Variants in CNTN4 observed in about 807,000 individuals in gnomAD.
The protein encoded by CNTN4 is contactin 4.
A neutral mutation model predicts 122.5 loss-of-function variants in CNTN4; 77 were observed. The observed-to-expected ratio is 0.63, with a 90% CI of 0.52 to 0.76. The LOEUF (loss-of-function observed/expected upper bound fraction) is 0.76, where lower values mean the gene tolerates loss of function less well. CNTN4 is among the 30% of genes least tolerant of loss of function. The pLI, the probability that CNTN4 is intolerant of heterozygous loss-of-function variation, is 0.00. For missense variants in CNTN4, 1,256 were observed against 1,259.1 expected (o/e 1.00, Z 0.04); for synonymous variants, 512 against 447.0 (o/e 1.15, Z -1.83).
rs1326736065 is a variant in CNTN4, at chr3:2,669,111, G to A, written c.56-67104G>A. The stretch of plus-strand genomic sequence containing the variant: ...CAGGATGATGCTGGCCTCATAAAAC[G>A]AGTTAGGGAGGATTCCCTCTTTTTC... On this transcript the variant is annotated intron_variant, in intron 4 of 24. Transcript: ENST00000418658. Among the ~76,000 whole-genome samples the A allele has an allele frequency of 2.0e-5, 3 of 152,172 alleles. No homozygotes were observed. In the East Asian group the frequency reaches 5.8e-4, roughly 29 times the overall value.
At chr3:2,599,531 A>C (rs1288292233) in intron 4 of CNTN4, among the ~76,000 whole-genome samples, 2 of 152,186 alleles carry the variant, frequency 1.3e-5, no homozygotes, top group Non-Finnish European at 2.9e-5. Context: ...AACAAGTCCC[A>C]TGTGTGATTT....
chr3:2,225,841 A>T (rs2039260705), intron 2 of CNTN4, among the ~76,000 whole-genome samples: 1 of 152,104 alleles, frequency 6.6e-6, no homozygotes, highest in Non-Finnish European at 1.5e-5. Flanking sequence ...GAAGGACTTG[A>T]ATCTTATGGG....
chr3:2,432,127 A>G (rs576549498), intron 3 of CNTN4, among the ~76,000 whole-genome samples: 1 of 152,330 alleles, frequency 6.6e-6, no homozygotes, highest in Admixed American at 6.5e-5. Flanking sequence ...TTACTTACGT[A>G]GAAGTGGCCC....
intron 2 of CNTN4, among the ~76,000 whole-genome samples, chr3:2,266,608 T>G (rs1369246489): frequency 1.3e-5 from 2 of 152,058 alleles, no homozygotes; most frequent in Non-Finnish European, 2.9e-5. Flanking sequence ...ACAAGGAGCC[T>G]TAAGGGACTA....
intron 6 of CNTN4, among the ~76,000 whole-genome samples, chr3:2,811,581 G>T (rs202164285): frequency 1.3e-5 from 2 of 150,828 alleles, no homozygotes; most frequent in African/African-American, 2.4e-5. Context: ...CTGCCTCAGC[G>T]TCCCGAGTAG....
chr3:2,168,991 A>C (rs552036564), intron 2 of CNTN4, among the ~76,000 whole-genome samples: 4 of 152,204 alleles, frequency 2.6e-5, no homozygotes, highest in Non-Finnish European at 5.9e-5. Context: ...GAAGCTCAAG[A>C]GACAAATCAT....
At chr3:2,209,521 T>TAA (rs112556084) in intron 2 of CNTN4, among the ~76,000 whole-genome samples, 2,295 of 152,176 alleles carry the variant, frequency 0.015, 51 homozygotes, top group African/African-American at 0.052. Flanking sequence ...GTCTCCCTAG[T>TAA]AACAAAAAAG....
chr3:2,565,460 A>G (rs185633553), intron 3 of CNTN4, among the ~76,000 whole-genome samples: 2 of 152,276 alleles, frequency 1.3e-5, no homozygotes, highest in Non-Finnish European at 2.9e-5. Context: ...GACTGATGTG[A>G]TAGGAATTTT....
At chr3:2,177,121 C>A (rs900784343) in intron 2 of CNTN4, among the ~76,000 whole-genome samples, 1 of 151,974 alleles carries the variant, frequency 6.6e-6, no homozygotes, top group Non-Finnish European at 1.5e-5. Context: ...AATACTAGAC[C>A]GTGTATCCAT....
intron 4 of CNTN4, among the ~76,000 whole-genome samples, chr3:2,656,166 A>G (rs1576359459): frequency 6.6e-6 from 1 of 152,220 alleles, no homozygotes; most frequent in African/African-American, 2.4e-5. Context: ...TATAAGTCAA[A>G]GTTATCAGGA....
intron 4 of CNTN4, among the ~76,000 whole-genome samples, chr3:2,728,511 C>G (rs2088404934): frequency 6.6e-6 from 1 of 152,196 alleles, no homozygotes; most frequent in Non-Finnish European, 1.5e-5. Context: ...AACAACCCAG[C>G]TTAGCAGAAC....
chr3:2,174,238 G>A (rs1021111501), intron 2 of CNTN4, among the ~76,000 whole-genome samples: 7 of 152,298 alleles, frequency 4.6e-5, no homozygotes, highest in African/African-American at 1.7e-4. Flanking sequence ...TTGAACAACT[G>A]ATTGTAAAAT....
At chr3:2,481,187 C>G (rs967641570) in intron 3 of CNTN4, among the ~76,000 whole-genome samples, 1 of 151,500 alleles carries the variant, frequency 6.6e-6, no homozygotes, top group African/African-American at 2.4e-5. Flanking sequence ...GTCACCCAGG[C>G]TGGAGTGCAG....
intron 2 of CNTN4, among the ~76,000 whole-genome samples, chr3:2,209,067 G>T (rs1332501040): frequency 6.6e-6 from 1 of 151,994 alleles, no homozygotes; most frequent in Non-Finnish European, 1.5e-5. Context: ...CTGTAGCCTG[G>T]GTAGGCTAAA....
At chr3:2,822,037 C>T (rs911920364) in intron 7 of CNTN4, among the ~76,000 whole-genome samples, 7 of 152,130 alleles carry the variant, frequency 4.6e-5, no homozygotes, top group Non-Finnish European at 7.3e-5. Flanking sequence ...ATCCTGAATA[C>T]GAAGGAGAGG....
chr3:2,687,766 G>T (rs2085512010), intron 4 of CNTN4, among the ~76,000 whole-genome samples: 1 of 151,972 alleles, frequency 6.6e-6, no homozygotes, highest in Non-Finnish European at 1.5e-5. Context: ...TTTTTGATAG[G>T]GTTTTCATCA....
At chr3:2,957,171 T>C (rs1009872147) in intron 13 of CNTN4, among the ~76,000 whole-genome samples, 1 of 152,034 alleles carries the variant, frequency 6.6e-6, no homozygotes, top group Non-Finnish European at 1.5e-5. Context: ...GATTGCTGGA[T>C]TATATGGTAG....
intron 3 of CNTN4, among the ~76,000 whole-genome samples, chr3:2,396,529 C>G (rs111433201): frequency 1.3e-5 from 2 of 152,098 alleles, no homozygotes; most frequent in Non-Finnish European, 2.9e-5. Context: ...TCCTCACGAG[C>G]CAGATCCTCA....
chr3:2,136,961 C>T (rs2034721987), intron 2 of CNTN4, among the ~76,000 whole-genome samples: 2 of 151,950 alleles, frequency 1.3e-5, no homozygotes, highest in South Asian at 2.1e-4. Context: ...ACAAACAACC[C>T]CTCCCCCCGA....
Sources: allele counts gnomAD v4.1 joint callset (sites outside exome capture counted in the v4.1 genomes callset), GRCh38; gene constraint gnomAD v4.1.1; transcripts MANE v1.5; gene names NCBI Gene and HGNC (gene_info 2026-07-23, HGNC 2026-07-21).